NCKAP5: variants seen among roughly 807,000 people sequenced by gnomAD.
NCKAP5 encodes the protein nck-associated protein 5.
In NCKAP5, 92 loss-of-function variants were observed where a neutral mutation model predicts 167.0. The ratio of observed to expected loss-of-function variants is 0.55; its 90% confidence interval spans 0.47 to 0.66. The LOEUF (loss-of-function observed/expected upper bound fraction) is 0.66. Among genes scored for constraint, NCKAP5 ranks in the 30% least tolerant of loss-of-function variants. The pLI, the probability that NCKAP5 is intolerant of heterozygous loss-of-function variation, is 0.00. For synonymous variants in NCKAP5, 891 were observed against 877.4 expected, an observed-to-expected ratio of 1.02 and a Z score of -0.27; for missense variants, 2,378 against 2,315.0, an observed-to-expected ratio of 1.03 and a Z score of -0.56.
intron 6 of NCKAP5, among the ~76,000 whole-genome samples, chr2:133,128,044 A>G (rs1016134192): frequency 6.6e-6 from 1 of 152,224 alleles, no homozygotes; most frequent in Non-Finnish European, 1.5e-5. Context: ...GTTGAAGCAC[A>G]TACACAGTAT....
At chr2:133,509,397 A>C (rs1350977227) in intron 3 of NCKAP5, among the ~76,000 whole-genome samples, 1 of 152,130 alleles carries the variant, frequency 6.6e-6, no homozygotes, top group East Asian at 1.9e-4. Context: ...CCTTGGGCAA[A>C]CCTGAAGAGC....
intron 4 of NCKAP5, among the ~76,000 whole-genome samples, chr2:133,220,134 C>T (rs1029881248): frequency 1.3e-5 from 2 of 152,212 alleles, no homozygotes; most frequent in Non-Finnish European, 2.9e-5. Context: ...CCCTTGCTCC[C>T]ATTTAAAGGC....
chr2:132,856,505 C>T (rs1343213904), intron 11 of NCKAP5, among the ~76,000 whole-genome samples: 1 of 152,144 alleles, frequency 6.6e-6, no homozygotes, highest in Non-Finnish European at 1.5e-5. Context: ...ATCATCTACC[C>T]TATAAAATTC....
chr2:132,758,124 G>C (rs891229692), intron 16 of NCKAP5, among the ~76,000 whole-genome samples: 5 of 152,196 alleles, frequency 3.3e-5, no homozygotes, highest in Non-Finnish European at 7.3e-5. Flanking sequence ...TTAGCCTCCT[G>C]TCTCCTCATT....
intron 4 of NCKAP5, among the ~76,000 whole-genome samples, chr2:133,217,632 C>T (rs1449460451): frequency 6.6e-6 from 1 of 152,038 alleles, no homozygotes. Flanking sequence ...CTTACTGTAA[C>T]AGCCGGTTGC....
intron 3 of NCKAP5, among the ~76,000 whole-genome samples, chr2:133,341,862 T>C (rs1200790615): frequency 4.6e-5 from 7 of 152,368 alleles, no homozygotes; most frequent in Non-Finnish European, 8.8e-5. Flanking sequence ...TAACTGTGGT[T>C]GCATAGTAGC....
At chr2:133,549,516 A>T (rs1169392506) in intron 2 of NCKAP5, among the ~76,000 whole-genome samples, 1 of 149,258 alleles carries the variant, frequency 6.7e-6, no homozygotes, top group Non-Finnish European at 1.5e-5. Context: ...AATGAAATGA[A>T]GGCAGAAATA....
chr2:133,552,823 C>T (rs113917200), intron 2 of NCKAP5, among the ~76,000 whole-genome samples: 42 of 151,726 alleles, frequency 2.8e-4, no homozygotes, highest in African/African-American at 8.7e-4. Context: ...AGCAGATGAA[C>T]GAACACTCTT....
At chr2:133,193,656 T>C (rs1450403078) in intron 5 of NCKAP5, among the ~76,000 whole-genome samples, 5 of 152,070 alleles carry the variant, frequency 3.3e-5, no homozygotes, top group Non-Finnish European at 7.4e-5. Context: ...AAACTCACCA[T>C]CTTATATGCC....
At chr2:132,773,375 A>G (rs368012891) in intron 16 of NCKAP5, among the ~76,000 whole-genome samples, 1 of 152,316 alleles carries the variant, frequency 6.6e-6, no homozygotes, top group African/African-American at 2.4e-5. Context: ...CTGAGTTTTA[A>G]CAGAAATGAT....
chr2:133,436,024 G>C (rs1690454283), intron 3 of NCKAP5, among the ~76,000 whole-genome samples: 2 of 152,140 alleles, frequency 1.3e-5, no homozygotes, highest in Admixed American at 1.3e-4. Flanking sequence ...AGACCCTCAA[G>C]CAGGGAACTA....
chr2:133,437,226 G>T (rs752528901), intron 3 of NCKAP5, among the ~76,000 whole-genome samples: 2 of 151,908 alleles, frequency 1.3e-5, no homozygotes, highest in African/African-American at 4.8e-5. Context: ...GGTGGCAGGC[G>T]CCTGTAATCC....
chr2:133,119,383 T>C (rs946038017), intron 6 of NCKAP5, among the ~76,000 whole-genome samples: 11 of 152,168 alleles, frequency 7.2e-5, no homozygotes, highest in Admixed American at 5.9e-4. Context: ...AGCAGGGTGA[T>C]AATAATTAAG....
intron 3 of NCKAP5, among the ~76,000 whole-genome samples, chr2:133,393,322 C>T (rs1279515188): frequency 6.6e-6 from 1 of 152,186 alleles, no homozygotes; most frequent in Non-Finnish European, 1.5e-5. Context: ...GTTGTTTGAA[C>T]TTTAGTTGAG....
At chr2:133,657,435 G>A in the NCKAP5 span, among the ~76,000 whole-genome samples, 16 of 152,278 alleles carry the variant, frequency 1.1e-4, no homozygotes, top group African/African-American at 2.9e-4. Context: ...CAACCTTTGC[G>A]AATATTTCAC....
chr2:133,048,733 A>T (rs1291608310), intron 6 of NCKAP5, among the ~76,000 whole-genome samples: 1 of 152,228 alleles, frequency 6.6e-6, no homozygotes, highest in Non-Finnish European at 1.5e-5. Context: ...TGGAATAGAA[A>T]TAGAATAACG....
At chr2:133,236,070 C>CAAAAAAAAAAAAAAAAAAAA (rs527705526) in intron 4 of NCKAP5, among the ~76,000 whole-genome samples, 2 of 15,656 alleles carry the variant, frequency 1.3e-4, no homozygotes, top group Non-Finnish European at 1.7e-4. Flanking sequence ...TGTCTCAGAC[C>CAAAAAAAAAAAAAAAAAAAA]AAAAAAAAAA....
intron 5 of NCKAP5, among the ~76,000 whole-genome samples, chr2:133,161,131 C>T (rs980209499): frequency 6.6e-6 from 1 of 152,068 alleles, no homozygotes; most frequent in African/African-American, 2.4e-5. Flanking sequence ...CTAGGTTGCA[C>T]CCTCCTTATG....
intron 16 of NCKAP5, among the ~76,000 whole-genome samples, chr2:132,746,705 G>A (rs1192628507): frequency 6.6e-6 from 1 of 151,876 alleles, no homozygotes; most frequent in Non-Finnish European, 1.5e-5. Context: ...AGCCCCAACC[G>A]GAAACTATCA....
Sources: allele counts gnomAD v4.1 joint callset (sites outside exome capture counted in the v4.1 genomes callset), GRCh38; gene constraint gnomAD v4.1.1; transcripts MANE v1.5; gene names NCBI Gene and HGNC (gene_info 2026-07-23, HGNC 2026-07-21).